The following MACF1 variants were observed in gnomAD, a reference collection of about 807,000 sequenced individuals.
MACF1 encodes the protein microtubule actin crosslinking factor 1.
A neutral mutation model predicts 854.8 loss-of-function variants in MACF1; 193 were observed. The ratio of observed to expected loss-of-function variants is 0.23; its 90% CI spans 0.20 to 0.25. MACF1 has a LOEUF of 0.25. MACF1 is among the 10% of genes least tolerant of loss of function. MACF1 has a pLI of 1.00. For synonymous variants in MACF1, 3,185 were observed against 3,226.7 expected (o/e 0.99, Z 0.44); for missense variants, 7,722 against 8,929.1 (o/e 0.86, Z 5.45).
At chr1:39,145,869 G>A (rs1355947527) in intron 2 of MACF1, among the ~76,000 whole-genome samples, 2 of 152,138 alleles carry the variant, frequency 1.3e-5, no homozygotes, top group African/African-American at 4.8e-5. Context: ...GTCCAAACTT[G>A]TATTTCCAAA....
intron 49 of MACF1, among the ~76,000 whole-genome samples, chr1:39,364,344 A>G (rs1648483646): frequency 1.3e-5 from 2 of 150,378 alleles, no homozygotes; most frequent in Non-Finnish European, 1.5e-5. Flanking sequence ...TTTTTGGTAA[A>G]GATTTTTGGT....
At chr1:39,308,314 A>AT (rs1316778819) in intron 23 of MACF1, among the ~76,000 whole-genome samples, 6 of 150,998 alleles carry the variant, frequency 4.0e-5, no homozygotes, top group Admixed American at 6.6e-5. Context: ...CTTATTTTCT[A>AT]TTTTTTTTGT....
At chr1:39,317,124 C>A in intron 28 of MACF1, 90 bp from the exon 29 acceptor site, 1 of 1,268,342 alleles carries the variant, frequency 7.9e-7, no homozygotes, top group Non-Finnish European at 1.1e-6. Flanking sequence ...GTGGAAATAG[C>A]TGTAGACCGT....
At chr1:39,221,296 G>A (rs12057271) in intron 1 of MACF1, among the ~76,000 whole-genome samples, 4,699 of 152,076 alleles carry the variant, frequency 0.031, 233 homozygotes, top group African/African-American at 0.11. Flanking sequence ...GATCAAATCC[G>A]TAAAGGATTT....
At position 39,340,783 on chromosome 1, in the gene MACF1, G is replaced by C. The variant is rs1263498298; in HGVS notation, c.10432-21G>C. On this transcript the variant is annotated intron_variant, in intron 39 of 100. Coordinates refer to ENST00000564288, the MANE Select transcript of MACF1 (RefSeq NM_001394062.1). The stretch of plus-strand genomic sequence containing the variant: ...GGTGGCTGGGAGATTTTCATAATGT[G>C]ATTTTCCATTTATTTCTTAGACTAA... The C allele has an allele frequency of 2.8e-5, 45 of 1,611,816 alleles. No homozygotes were observed. In the South Asian group the frequency reaches 4.6e-4, roughly 17 times the overall value.
At chr1:39,359,410 C>A in intron 47 of MACF1, 146 bp downstream of exon 47, 1 of 961,464 alleles carries the variant, frequency 1.0e-6, no homozygotes, top group Non-Finnish European at 1.5e-6. Context: ...AGATTGTCAT[C>A]AAAGAGCTTA....
rs1221267783 is a variant in MACF1, at chr1:39,190,405, T to TG, written c.221-40777_221-40776insG. ...TGTGTGTGTGTGTTTGTTTTTGTTT[T>TG]TTTTTTTTTTTTTTGATGGAATCTT... On this transcript the variant is annotated intron_variant, in intron 2 of 93. Transcript: ENST00000361689. Among the ~76,000 whole-genome samples the TG allele has an allele frequency of 4.8e-5, 6 of 123,736 alleles. No individual in the cohort carries two copies. The South Asian group carries it at 1.3e-3, about 26-fold the overall frequency. 81.2% of individuals were successfully genotyped at this position (123,736 alleles called of 152,430 possible).
At chr1:39,273,833 G>A (rs567064976) in intron 6 of MACF1, among the ~76,000 whole-genome samples, 5 of 152,050 alleles carry the variant, frequency 3.3e-5, no homozygotes, top group African/African-American at 4.8e-5. Context: ...CTCGTAATCC[G>A]CCCGCCTCGG....
chr1:39,116,253 A>G (rs747325998), intron 2 of MACF1, among the ~76,000 whole-genome samples: 1 of 152,200 alleles, frequency 6.6e-6, no homozygotes, highest in Non-Finnish European at 1.5e-5. Flanking sequence ...ATAAGAATGC[A>G]GGTGATTAAG....
chr1:39,382,019 G>T lies in MACF1; in HGVS notation c.13715G>T (p.Ser4572Ile). 1 of 1,614,158 alleles carries T rather than the reference G, an allele frequency of 6.2e-7. No individual in the cohort carries two copies. The highest frequency in any genetic ancestry group is 8.5e-7 in the Non-Finnish European group (1 of 1,180,026). Reference sequence around the variant, plus strand: ...CAAAGGCAGCTAGAGGAATCTGCAAGTCATCTGGCCTGCTTCCAGGCTGCA... The same window carrying T: ...CAAAGGCAGCTAGAGGAATCTGCAATTCATCTGGCCTGCTTCCAGGCTGCA... Reference protein sequence around the residue: ...ARQRQLEESASHLACFQAAES... With the variant: ...ARQRQLEESAIHLACFQAAES... The change falls in exon 56 of 101, where the codon AGT becomes ATT. Residue 4572 changes from serine to isoleucine, a missense_variant. Ser to Ile is a moderately radical substitution (Grantham distance 142). This residue lies in a region of MACF1 where 2,807 missense variants were observed against 3,235.8 expected (regional missense o/e 0.87). Transcript: ENST00000564288.
At chr1:39,444,194 G>C (rs1644177472) in intron 79 of MACF1, among the ~76,000 whole-genome samples, 1 of 152,048 alleles carries the variant, frequency 6.6e-6, no homozygotes, top group Non-Finnish European at 1.5e-5. Flanking sequence ...AATTAGCCGG[G>C]CGTGGTGGCG....
chr1:39,217,958 C>A (rs186266583), intron 1 of MACF1, among the ~76,000 whole-genome samples: 2 of 150,798 alleles, frequency 1.3e-5, no homozygotes, highest in Non-Finnish European at 2.9e-5. Context: ...CCGAGGCGGG[C>A]GGATCACGAG....
chr1:39,303,341 T>C (rs1346819973), intron 23 of MACF1, among the ~76,000 whole-genome samples: 1 of 152,164 alleles, frequency 6.6e-6, no homozygotes, highest in African/African-American at 2.4e-5. Context: ...TCTCAGAAGA[T>C]TGATTTTTTT....
chr1:39,366,696 C>CTT (rs10718160), intron 49 of MACF1, among the ~76,000 whole-genome samples: 5 of 133,766 alleles, frequency 3.7e-5, no homozygotes, highest in African/African-American at 8.4e-5. Flanking sequence ...TACAAATATA[C>CTT]TTTTTTTTTT....
chr1:39,192,174 T>G (rs1053092839), intron 2 of MACF1, among the ~76,000 whole-genome samples: 1 of 151,876 alleles, frequency 6.6e-6, no homozygotes, highest in African/African-American at 2.4e-5. Context: ...AACAAAAAAC[T>G]TAAAAATGGT....
At chr1:39,124,979 A>G (rs1397649308) in intron 2 of MACF1, among the ~76,000 whole-genome samples, 1 of 152,216 alleles carries the variant, frequency 6.6e-6, no homozygotes, top group Admixed American at 6.5e-5. Flanking sequence ...TGTGATGGAA[A>G]TCAGGAAACT....
chr1:39,289,944 C>G (rs1645741805), intron 15 of MACF1, among the ~76,000 whole-genome samples: 1 of 151,926 alleles, frequency 6.6e-6, no homozygotes, highest in Non-Finnish European at 1.5e-5. Context: ...AGGTGATCCA[C>G]CCGTCTCGGC....
rs570868296 is a variant in MACF1 at position 39,444,669 on chromosome 1, A to G, written c.19439A>G (p.Tyr6480Cys). ...REQLDTHMEL[Y>C]SQLKAKEETY... ...TCCTGCCTTTTCTTGTAGGAACTCT[A>G]TTCCCAGCTGAAAGCCAAGGAAGAG... is the stretch of plus-strand genomic sequence containing the variant. The change falls in exon 80 of 101, where the codon TAT becomes TGT. Residue 6480 changes from tyrosine (Y) to cysteine (C), a missense_variant. Physicochemically the swap from Tyr to Cys is radical, Grantham distance 194. Around this residue, in one of 15 missense-constraint regions of MACF1, gnomAD observed 729 missense variants for 900.5 expected, o/e 0.81. Coordinates refer to ENST00000564288, the MANE Select transcript of MACF1 (RefSeq NM_001394062.1). 2 of 1,610,920 alleles carry G rather than the reference A, an allele frequency of 1.2e-6. No individual in the cohort carries two copies. The highest frequency in any genetic ancestry group is 1.7e-5 in the Admixed American group (1 of 59,628).
Position 39,340,714 on chromosome 1 carries a change from A to C in MACF1, c.10428A>C (p.Glu3476Asp). The change falls in exon 39 of 101, where the codon GAA (glutamate) becomes GAC (aspartate). Residue 3476 changes from glutamate to aspartate, a missense_variant. This residue lies in a region of MACF1 where 854 missense variants were observed against 852.6 expected (regional missense o/e 1.00). Transcript: ENST00000564288. ...LLHFQNAVEI[E>D]KTKVLNQHTQ... ...ACTTCCAGAATGCTGTGGAAATAGA[A>C]AAGGTAGCATTTTGCTTTTATTCAT... 1 of 1,613,984 alleles carries C rather than the reference A, an allele frequency of 6.2e-7. No individual in the cohort carries two copies. Among genetic ancestry groups the C allele is most frequent in the Non-Finnish European group, 8.5e-7 (1 of 1,179,932 alleles).
Sources: allele counts gnomAD v4.1 joint callset (sites outside exome capture counted in the v4.1 genomes callset), GRCh38; gene constraint gnomAD v4.1.1; regional missense constraint gnomAD v4.1.1; transcripts MANE v1.5; gene names NCBI Gene and HGNC (gene_info 2026-07-23, HGNC 2026-07-21).